DROSHA: variants seen among roughly 807,000 people sequenced by gnomAD.
DROSHA encodes ribonuclease 3.
DROSHA carries 56 observed loss-of-function variants against 181.9 expected under a neutral mutation model. That is an observed-to-expected ratio of 0.31 (90% CI 0.25 to 0.38). The LOEUF is 0.38. Ranked by LOEUF, DROSHA falls within the 10% of genes least tolerant of loss-of-function variation. DROSHA has a pLI of 1.00. For synonymous variants in DROSHA, 524 were observed against 591.2 expected, an observed-to-expected ratio of 0.89 and a Z score of 1.65; for missense variants, 1,218 against 1,743.5, an observed-to-expected ratio of 0.70 and a Z score of 5.37.
chr5:31,505,646 T>C (rs1737843237), intron 10 of DROSHA: 2 of 152,212 alleles, frequency 1.3e-5, no homozygotes, highest in South Asian at 4.1e-4. Context: ...GGAAAATGAA[T>C]TTCCATTTCC....
At chr5:31,529,248 T>A (rs1740939512) in intron 3 of DROSHA, 143 bp from the exon 4 acceptor site, 1 of 685,792 alleles carries the variant, frequency 1.5e-6, no homozygotes. Flanking sequence ...CATGTTGAAC[T>A]GTGTTAAAGT....
intron 11 of DROSHA, among the ~76,000 whole-genome samples, chr5:31,503,075 T>C (rs774392158): frequency 6.6e-6 from 1 of 151,702 alleles, no homozygotes; most frequent in East Asian, 1.9e-4. Flanking sequence ...CACATGGAGG[T>C]CCATCAGACA....
intron 20 of DROSHA, among the ~76,000 whole-genome samples, chr5:31,459,251 C>G (rs1748060905): frequency 6.6e-6 from 1 of 151,770 alleles, no homozygotes; most frequent in African/African-American, 2.4e-5. Flanking sequence ...TAATACTAGC[C>G]AGATGAGGTG....
chr5:31,520,852 T>C (rs548762901), intron 6 of DROSHA, among the ~76,000 whole-genome samples: 15 of 152,304 alleles, frequency 9.8e-5, no homozygotes, highest in Middle Eastern at 3.4e-3. Flanking sequence ...TTTTTTAAAA[T>C]GATTAATGTA....
intron 12 of DROSHA, among the ~76,000 whole-genome samples, chr5:31,494,632 A>C (rs557688934): frequency 6.6e-6 from 1 of 152,222 alleles, no homozygotes; most frequent in African/African-American, 2.4e-5. Context: ...AAAAAAGAAA[A>C]AAATAATGAG....
intron 17 of DROSHA, 150 bp downstream of exon 17, chr5:31,471,913 A>C (rs909449603): frequency 2.9e-5 from 19 of 665,760 alleles, no homozygotes; most frequent in Non-Finnish European, 3.6e-5. Context: ...ATATTTTCTT[A>C]TTTACTAAAT....
chr5:31,525,503 C>CAAAAAAAAAAAAAAAAAAAA (rs397970711), intron 5 of DROSHA, among the ~76,000 whole-genome samples: 1 of 36,156 alleles, frequency 2.8e-5, no homozygotes, highest in Non-Finnish European at 5.4e-5. Flanking sequence ...GATTCTGTCA[C>CAAAAAAAAAAAAAAAAAAAA]AAAAAAAAAA....
At chr5:31,516,998 C>T (rs1739341048) in intron 6 of DROSHA, among the ~76,000 whole-genome samples, 1 of 152,144 alleles carries the variant, frequency 6.6e-6, no homozygotes, top group South Asian at 2.1e-4. Flanking sequence ...GTTTAGACTA[C>T]CATCAAAACC....
chr5:31,402,270 C>T (rs1041236609), intron 35 of DROSHA, among the ~76,000 whole-genome samples: 7 of 152,122 alleles, frequency 4.6e-5, no homozygotes, highest in Middle Eastern at 3.2e-3. Flanking sequence ...AAGGACAATG[C>T]GTAGTGAAGT....
intron 30 of DROSHA, among the ~76,000 whole-genome samples, chr5:31,416,001 C>T (rs185632266): frequency 2.6e-5 from 4 of 152,204 alleles, no homozygotes; most frequent in African/African-American, 4.8e-5. Context: ...CCGAGTAGGC[C>T]TTTTGAATAG....
At chr5:31,461,984 C>G (rs1417067666) in intron 20 of DROSHA, among the ~76,000 whole-genome samples, 1 of 151,970 alleles carries the variant, frequency 6.6e-6, no homozygotes, top group Non-Finnish European at 1.5e-5. Flanking sequence ...ATAATGCATC[C>G]AGGATAATTT....
chr5:31,455,773 T>G (rs1212007431), intron 20 of DROSHA, among the ~76,000 whole-genome samples: 1 of 151,942 alleles, frequency 6.6e-6, no homozygotes, highest in Non-Finnish European at 1.5e-5. Context: ...CCCAAGTAGC[T>G]GGGACCACAG....
intron 16 of DROSHA, among the ~76,000 whole-genome samples, chr5:31,473,881 G>A (rs1039948136): frequency 3.3e-5 from 5 of 152,154 alleles, no homozygotes; most frequent in African/African-American, 1.2e-4. Context: ...GAGGCAGCAG[G>A]GAAGTCAGAT....
rs761396294 is a variant in DROSHA, at chr5:31,429,560, G to C, written c.3146-15C>G. The C allele has an allele frequency of 3.1e-6, 5 of 1,607,840 alleles. No homozygotes were observed. Among genetic ancestry groups the C allele is most frequent in the Non-Finnish European group, 4.2e-6 (5 of 1,176,844 alleles). ...GTAAACAGCTCCTAGATGAAAAACA[G>C]AGAATGCCAAAAGAGAGTCTCCATC... On this transcript the variant is annotated splice_polypyrimidine_tract_variant and intron_variant, in intron 26 of 35. Coordinates refer to ENST00000344624, the MANE Select transcript of DROSHA (RefSeq NM_001382508.1).
intron 6 of DROSHA, among the ~76,000 whole-genome samples, chr5:31,519,609 A>G (rs575237220): frequency 6.6e-6 from 1 of 152,196 alleles, no homozygotes; most frequent in Non-Finnish European, 1.5e-5. Flanking sequence ...GCCTTTTTTC[A>G]AATTTGTATG....
chr5:31,500,534 C>T (rs1490053256), intron 11 of DROSHA, among the ~76,000 whole-genome samples: 1 of 152,192 alleles, frequency 6.6e-6, no homozygotes, highest in Non-Finnish European at 1.5e-5. Context: ...TTCAAGGACT[C>T]AAGGAAGTTA....
At chr5:31,439,391 G>A (rs1228067923) in intron 23 of DROSHA, among the ~76,000 whole-genome samples, 2 of 152,048 alleles carry the variant, frequency 1.3e-5, no homozygotes, top group African/African-American at 2.4e-5. Context: ...GTATCTCAGT[G>A]CCTATGTTCA....
At chr5:31,493,158 T>C in intron 13 of DROSHA, 49 bp downstream of exon 13, 1 of 1,538,882 alleles carries the variant, frequency 6.5e-7, no homozygotes, top group Non-Finnish European at 8.9e-7. Flanking sequence ...AAAGAAGGGA[T>C]GAAGGAGGTA....
At chr5:31,484,506 T>TGTGTGC in intron 15 of DROSHA, among the ~76,000 whole-genome samples, 1 of 49,248 alleles carries the variant, frequency 2.0e-5, no homozygotes, top group Non-Finnish European at 3.7e-5. Context: ...CGTGTGTGCA[T>TGTGTGC]GTGTGTGTTT....
Sources: gnomAD v4.1 joint callset for allele counts (sites outside exome capture counted in the v4.1 genomes callset) on GRCh38, gnomAD v4.1.1 for gene constraint, MANE v1.5 for transcripts, NCBI Gene and HGNC (gene_info 2026-07-23, HGNC 2026-07-21) for gene names.